The following CHRDL1 variants were observed in gnomAD, a reference collection of about 807,000 sequenced individuals.
CHRDL1 encodes chordin like 1.
In CHRDL1, 19 loss-of-function variants were observed where a neutral mutation model predicts 40.9. The observed-to-expected ratio is 0.46, with a 90% CI of 0.32 to 0.68. The LOEUF (loss-of-function observed/expected upper bound fraction) is 0.68. CHRDL1 is among the 30% of genes least tolerant of loss of function. The pLI, the probability that CHRDL1 is intolerant of heterozygous loss-of-function variation, is 0.03. For missense variants in CHRDL1, 329 were observed against 352.1 expected, an observed-to-expected ratio of 0.93 and a Z score of 0.53; for synonymous variants, 136 against 123.4, an observed-to-expected ratio of 1.10 and a Z score of -0.68.
chrX:110,687,786 C>T (rs772102384), intron 9 of CHRDL1, among the ~76,000 whole-genome samples: 28 of 111,480 alleles, frequency 2.5e-4, no homozygotes, highest in Admixed American at 2.2e-3. Context: ...AGATAGAATG[C>T]TTGATTACCC....
At chrX:110,717,053 A>T (rs1296557447) in intron 6 of CHRDL1, among the ~76,000 whole-genome samples, 1 of 111,769 alleles carries the variant, frequency 8.9e-6, no homozygotes, top group African/African-American at 3.3e-5. Context: ...AAGTGCACTA[A>T]ACTCAGATTT....
intron 2 of CHRDL1, among the ~76,000 whole-genome samples, chrX:110,791,525 G>C (rs964270730): frequency 9.0e-6 from 1 of 111,651 alleles, no homozygotes; most frequent in Non-Finnish European, 1.9e-5. Flanking sequence ...CTGGCTTTGC[G>C]GGGATGTTCT....
intron 8 of CHRDL1, among the ~76,000 whole-genome samples, chrX:110,692,302 G>A (rs754995066): frequency 1.8e-5 from 2 of 111,526 alleles, no homozygotes; most frequent in Admixed American, 9.5e-5. Flanking sequence ...AAAAATTATC[G>A]AGATGATTTT....
At chrX:110,763,513 C>T (rs565808035) in intron 2 of CHRDL1, among the ~76,000 whole-genome samples, 14 of 106,931 alleles carry the variant, frequency 1.3e-4, no homozygotes, top group African/African-American at 4.8e-4. Flanking sequence ...TATATATATA[C>T]ACACATATAT....
intron 4 of CHRDL1, among the ~76,000 whole-genome samples, chrX:110,725,112 G>A (rs1364180614): frequency 2.7e-5 from 3 of 111,749 alleles, no homozygotes; most frequent in South Asian, 3.8e-4. Context: ...GCACTAAGAG[G>A]AGGACTGGAG....
chrX:110,686,748 G>A (rs772254651), intron 9 of CHRDL1, among the ~76,000 whole-genome samples: 5 of 108,674 alleles, frequency 4.6e-5, no homozygotes, highest in East Asian at 2.9e-4. Context: ...GTGGTGGTGC[G>A]TGCCTATAGT....
chrX:110,777,289 A>G (rs1210044731), intron 2 of CHRDL1, among the ~76,000 whole-genome samples: 1 of 111,811 alleles, frequency 8.9e-6, no homozygotes, highest in Non-Finnish European at 1.9e-5. Flanking sequence ...CGTAATTACA[A>G]ATACAACTGT....
intron 4 of CHRDL1, among the ~76,000 whole-genome samples, chrX:110,729,880 G>T (rs1013437064): frequency 3.6e-5 from 4 of 112,236 alleles, no homozygotes; most frequent in Non-Finnish European, 3.8e-5. Flanking sequence ...ATAGGTTGTT[G>T]GGATGATCAA....
chrX:110,692,755 T>C (rs5943056), intron 8 of CHRDL1, among the ~76,000 whole-genome samples: 53,904 of 110,943 alleles, frequency 0.49, 11,345 homozygotes, highest in African/African-American at 0.79. Flanking sequence ...TTTCCATTAA[T>C]GGTTTTATTT....
intron 2 of CHRDL1, among the ~76,000 whole-genome samples, chrX:110,763,590 C>CTCTATCTA (rs200047885): frequency 3.7e-5 from 4 of 107,746 alleles, no homozygotes; most frequent in African/African-American, 1.4e-4. Flanking sequence ...GTCTCTGTCT[C>CTCTATCTA]TCTATCTATC....
chrX:110,788,914 T>G (rs2090056325), intron 2 of CHRDL1, among the ~76,000 whole-genome samples: 1 of 111,091 alleles, frequency 9.0e-6, no homozygotes, highest in Non-Finnish European at 1.9e-5. Context: ...AACATAAAAT[T>G]ATGGCAGCAG....
intron 7 of CHRDL1, among the ~76,000 whole-genome samples, chrX:110,696,724 A>G (rs2070393472): frequency 9.0e-6 from 1 of 111,425 alleles, no homozygotes; most frequent in African/African-American, 3.3e-5. Flanking sequence ...GCTGTAAAAA[A>G]TACTCATACC....
At position 110,697,649 on chromosome X, in the gene CHRDL1, G is replaced by A. The variant is rs780460712; in HGVS notation, c.609+3005C>T. On this transcript the variant is annotated intron_variant, in intron 7 of 11. Coordinates refer to ENST00000372042, the MANE Select transcript of CHRDL1 (RefSeq NM_001143981.2). Reference sequence around the variant, plus strand: ...CATGGATTTTTATCTGTTTCATGTCGTTTCTATCCCAAACGCTTTCACTTT... The same window carrying A: ...CATGGATTTTTATCTGTTTCATGTCATTTCTATCCCAAACGCTTTCACTTT... Among the ~76,000 whole-genome samples, 249 of 109,552 alleles carry A rather than the reference G, an allele frequency of 2.3e-3. 3 individuals are homozygous for A. Among genetic ancestry groups the A allele is most frequent in the Non-Finnish European group, 3.9e-3 (205 of 52,688 alleles).
At chrX:110,743,651 G>A (rs943447393) in intron 4 of CHRDL1, among the ~76,000 whole-genome samples, 3 of 111,852 alleles carry the variant, frequency 2.7e-5, no homozygotes, top group African/African-American at 9.8e-5. Flanking sequence ...TCCCTGCACA[G>A]CACTATTAAT....
intron 11 of CHRDL1, among the ~76,000 whole-genome samples, chrX:110,677,305 A>C (rs1340070497): frequency 9.0e-6 from 1 of 111,686 alleles, no homozygotes; most frequent in African/African-American, 3.3e-5. Context: ...AAAAACAAGA[A>C]GAGGATTTGG....
chrX:110,768,048 A>G (rs1486726509), intron 2 of CHRDL1, among the ~76,000 whole-genome samples: 3 of 112,195 alleles, frequency 2.7e-5, no homozygotes, highest in Non-Finnish European at 5.6e-5. Flanking sequence ...AAGGGAGCAT[A>G]TCATGTGTTC....
chrX:110,793,826 G>T (rs912950142), intron 1 of CHRDL1, among the ~76,000 whole-genome samples: 2 of 111,818 alleles, frequency 1.8e-5, no homozygotes, highest in Admixed American at 1.9e-4. Flanking sequence ...GCGATTCGGT[G>T]AACTGTAGCA....
intron 2 of CHRDL1, among the ~76,000 whole-genome samples, chrX:110,768,851 G>A (rs1307616140): frequency 3.6e-5 from 4 of 110,885 alleles, no homozygotes; most frequent in African/African-American, 6.6e-5. Context: ...CCTTGTGATC[G>A]TGTGAGTCAG....
chrX:110,785,343 C>T lies in CHRDL1; in HGVS notation c.94+6745G>A, dbSNP rs189720252. Among the ~76,000 whole-genome samples the T allele has an allele frequency of 2.1e-4, 23 of 111,699 alleles. No homozygotes were observed. The South Asian group carries it at 6.7e-3, about 33-fold the overall frequency. On this transcript the variant is annotated intron_variant, in intron 2 of 11. Transcript: ENST00000372042. ...AAAAGCCAAATACTGCATGTTCTCA[C>T]TTACAAGTGGAAGCTAAATAATGTG... is the stretch of plus-strand genomic sequence containing the variant.
Sources: gnomAD v4.1 joint callset for allele counts (sites outside exome capture counted in the v4.1 genomes callset) on GRCh38, gnomAD v4.1.1 for gene constraint, MANE v1.5 for transcripts, NCBI Gene and HGNC (gene_info 2026-07-23, HGNC 2026-07-21) for gene names.